Variants in CCDC191 observed in about 807,000 individuals in gnomAD.
The protein encoded by CCDC191 is coiled-coil domain containing 191.
In CCDC191, 99 loss-of-function variants were observed where a neutral mutation model predicts 114.0. That is an observed-to-expected ratio of 0.87 (90% CI 0.74 to 1.03). The LOEUF (loss-of-function observed/expected upper bound fraction) is 1.03. Ranked by LOEUF, CCDC191 falls within the 50% of genes least tolerant of loss-of-function variation. CCDC191 has a pLI of 0.00. For missense variants in CCDC191, 973 were observed against 1,087.0 expected, an observed-to-expected ratio of 0.90 and a Z score of 1.47; for synonymous variants, 351 against 376.0, an observed-to-expected ratio of 0.93 and a Z score of 0.77.
intron 14 of CCDC191, among the ~76,000 whole-genome samples, chr3:113,980,205 G>A (rs2075094079): frequency 6.6e-6 from 1 of 152,186 alleles, no homozygotes; most frequent in African/African-American, 2.4e-5. Flanking sequence ...TAACCAGAAT[G>A]AGAGGCTTGG....
At chr3:113,984,514 T>A (rs1303548144) in intron 13 of CCDC191, 1 of 152,174 alleles carries the variant, frequency 6.6e-6, no homozygotes, top group African/African-American at 2.4e-5. Context: ...CAGAACTTGA[T>A]GGGTAAAAAG....
chr3:114,012,801 T>C (rs930592918), intron 8 of CCDC191, among the ~76,000 whole-genome samples: 9 of 152,188 alleles, frequency 5.9e-5, no homozygotes, highest in Non-Finnish European at 8.8e-5. Context: ...CACTGGGGTT[T>C]TGACTGTCAA....
Position 114,005,720 on chromosome 3 carries a change from G to T in CCDC191, c.1656C>A (p.Phe552Leu), listed in dbSNP as rs1320077436. The T allele has an allele frequency of 6.2e-7, 1 of 1,614,150 alleles. No homozygotes were observed. The highest frequency in any genetic ancestry group is 8.5e-7 in the Non-Finnish European group (1 of 1,180,010). ...GTTGCTGGAAGACATGGCGGTTGTG[G>T]AAATGACCCAAGCAAAGCGGTTCTG... ...QKAEPLCLGH[F>L]HNRHVFQQQL... The change falls in exon 10 of 17, where the codon TTC becomes TTA. Residue 552 changes from phenylalanine (F) to leucine (L), a missense_variant. Physicochemically the swap from Phe to Leu is conservative, Grantham distance 22. Coordinates refer to ENST00000295878, the MANE Select transcript of CCDC191 (RefSeq NM_020817.2).
At chr3:113,982,740 C>T (rs72954699) in intron 13 of CCDC191, among the ~76,000 whole-genome samples, 5,581 of 152,006 alleles carry the variant, frequency 0.037, 330 homozygotes, top group African/African-American at 0.13. Context: ...TTCCTGCTTA[C>T]CCACTCCTGT....
intron 2 of CCDC191, among the ~76,000 whole-genome samples, chr3:114,049,805 A>T (rs958378532): frequency 6.6e-6 from 1 of 152,226 alleles, no homozygotes; most frequent in Non-Finnish European, 1.5e-5. Context: ...TTACATCCTT[A>T]ATATTTTTTT....
chr3:114,006,952 T>C (rs2075982221), intron 9 of CCDC191, among the ~76,000 whole-genome samples: 1 of 152,158 alleles, frequency 6.6e-6, no homozygotes, highest in Admixed American at 6.5e-5. Flanking sequence ...AATATCTGCA[T>C]TACAAACTAT....
chr3:113,994,719 G>T (rs1428300455), intron 13 of CCDC191, among the ~76,000 whole-genome samples: 2 of 151,818 alleles, frequency 1.3e-5, no homozygotes, highest in Admixed American at 6.6e-5. Context: ...AAGTAGCTGG[G>T]ACTACAGGTG....
At chr3:114,045,758 C>G (rs1010895898) in intron 3 of CCDC191, among the ~76,000 whole-genome samples, 9 of 152,204 alleles carry the variant, frequency 5.9e-5, no homozygotes, top group Admixed American at 3.3e-4. Flanking sequence ...TTCATGCTCC[C>G]TTTCCATCTG....
chr3:114,003,432 GTGC>G, intron 11 of CCDC191: 3 of 985,364 alleles, frequency 3.0e-6, no homozygotes, highest in Non-Finnish European at 3.6e-6. Flanking sequence ...AAGAATGGTA[GTGC>G]CACAGATGGC....
chr3:113,972,908 G>C (rs535563547), intron 16 of CCDC191, among the ~76,000 whole-genome samples: 1 of 152,098 alleles, frequency 6.6e-6, no homozygotes, highest in African/African-American at 2.4e-5. Flanking sequence ...TACTTGCTTG[G>C]AATGTCTTTT....
chr3:113,970,293 G>A (rs529996401), intron 16 of CCDC191, among the ~76,000 whole-genome samples: 12 of 152,132 alleles, frequency 7.9e-5, no homozygotes, highest in East Asian at 3.9e-4. Context: ...CATGTCATCC[G>A]TAAACAAGGC....
chr3:113,969,403 T>C (rs1940570656), intron 16 of CCDC191, among the ~76,000 whole-genome samples: 1 of 152,212 alleles, frequency 6.6e-6, no homozygotes, highest in African/African-American at 2.4e-5. Context: ...TTTTGAGGTC[T>C]TACACAAAAA....
chr3:113,966,393 C>T (rs1940172464), intron 16 of CCDC191, among the ~76,000 whole-genome samples: 1 of 152,062 alleles, frequency 6.6e-6, no homozygotes, highest in Admixed American at 6.5e-5. Context: ...CCGTCTGCCC[C>T]GGGAGAGGCT....
intron 9 of CCDC191, among the ~76,000 whole-genome samples, chr3:114,006,219 T>C (rs771210471): frequency 6.6e-6 from 1 of 151,346 alleles, no homozygotes; most frequent in Non-Finnish European, 1.5e-5. Flanking sequence ...GAGGCCGAGA[T>C]GGGCAGATGA....
At chr3:114,030,412 C>T (rs575832384) in intron 7 of CCDC191, among the ~76,000 whole-genome samples, 147 of 152,210 alleles carry the variant, frequency 9.7e-4, no homozygotes, top group Non-Finnish European at 1.9e-3. Flanking sequence ...CGTTTCTCTT[C>T]TTATTTTCTC....
intron 9 of CCDC191, among the ~76,000 whole-genome samples, chr3:114,008,020 C>G (rs2076000379): frequency 6.9e-6 from 1 of 143,968 alleles, no homozygotes; most frequent in Admixed American, 7.0e-5. Flanking sequence ...TCCCTTGAGT[C>G]TAAATATATA....
intron 9 of CCDC191, among the ~76,000 whole-genome samples, chr3:114,007,075 TTTA>T (rs1288372642): frequency 1.3e-5 from 2 of 152,226 alleles, no homozygotes; most frequent in African/African-American, 4.8e-5. Flanking sequence ...TTTTCAAAGC[TTTA>T]TTACATAAAT....
chr3:113,989,916 G>A (rs578206314), intron 13 of CCDC191, among the ~76,000 whole-genome samples: 3 of 152,306 alleles, frequency 2.0e-5, no homozygotes, highest in Non-Finnish European at 2.9e-5. Flanking sequence ...GAGCCCAGGA[G>A]TTTGAGGTTA....
At chr3:114,053,681 TCA>T in intron 1 of CCDC191, 46 bp from the exon 2 acceptor site, 1 of 1,357,696 alleles carries the variant, frequency 7.4e-7, no homozygotes, top group Non-Finnish European at 1.0e-6. Flanking sequence ...AATATCTTTA[TCA>T]ACTTTGCCAT....
Sources: allele counts gnomAD v4.1 joint callset (sites outside exome capture counted in the v4.1 genomes callset), GRCh38; gene constraint gnomAD v4.1.1; transcripts MANE v1.5; gene names NCBI Gene and HGNC (gene_info 2026-07-23, HGNC 2026-07-21).